TTC39B: variants seen among roughly 807,000 people sequenced by gnomAD.
The protein encoded by TTC39B is tetratricopeptide repeat domain 39B, also known as tetratricopeptide repeat protein 39B.
A neutral mutation model predicts 96.6 loss-of-function variants in TTC39B; 92 were observed. The observed-to-expected ratio is 0.95, with a 90% CI of 0.80 to 1.13. The LOEUF (loss-of-function observed/expected upper bound fraction) is 1.13, where lower values mean the gene tolerates loss of function less well. Ranked by LOEUF, TTC39B falls within the 50% of genes most tolerant of loss-of-function variation. The probability of loss-of-function intolerance (pLI) is 0.00; values close to 1 mark genes in which losing one functional copy is unlikely to be tolerated. For synonymous variants in TTC39B, 367 were observed against 299.4 expected, an observed-to-expected ratio of 1.23 and a Z score of -2.33; for missense variants, 955 against 809.3, an observed-to-expected ratio of 1.18 and a Z score of -2.18.
At chr9:15,222,037 A>G (rs1282585103) in intron 3 of TTC39B, among the ~76,000 whole-genome samples, 1 of 152,252 alleles carries the variant, frequency 6.6e-6, no homozygotes, top group Non-Finnish European at 1.5e-5. Context: ...AGCAAGAAAG[A>G]GTAACGTAAG....
At chr9:15,285,607 C>T (rs1587008930) in intron 1 of TTC39B, among the ~76,000 whole-genome samples, 1 of 152,300 alleles carries the variant, frequency 6.6e-6, no homozygotes, top group East Asian at 1.9e-4. Flanking sequence ...GTAATCCCTG[C>T]ACTTCGGGAG....
At chr9:15,269,551 A>G (rs572838165) in intron 1 of TTC39B, among the ~76,000 whole-genome samples, 18 of 152,288 alleles carry the variant, frequency 1.2e-4, no homozygotes, top group Non-Finnish European at 2.4e-4. Context: ...ACAAAAGTGT[A>G]AATACTAAAA....
At chr9:15,275,243 G>A (rs1446287116) in intron 1 of TTC39B, among the ~76,000 whole-genome samples, 1 of 152,116 alleles carries the variant, frequency 6.6e-6, no homozygotes, top group Non-Finnish European at 1.5e-5. Flanking sequence ...GTTTCTCCAG[G>A]TTGGTAAGGC....
intron 1 of TTC39B, among the ~76,000 whole-genome samples, chr9:15,281,625 CAAAA>C (rs1161175672): frequency 4.1e-5 from 2 of 49,006 alleles, no homozygotes; most frequent in Admixed American, 2.5e-4. Context: ...CCTGCAACAG[CAAAA>C]AAAAAAAAAA....
chr9:15,199,495 G>A (rs1306156416), intron 8 of TTC39B, among the ~76,000 whole-genome samples: 1 of 151,894 alleles, frequency 6.6e-6, no homozygotes, highest in Non-Finnish European at 1.5e-5. Context: ...CAGCACTTTG[G>A]GAGGCTGAGG....
At chr9:15,248,555 CA>C (rs776450306) in intron 2 of TTC39B, among the ~76,000 whole-genome samples, 12 of 152,166 alleles carry the variant, frequency 7.9e-5, no homozygotes, top group Non-Finnish European at 1.6e-4. Flanking sequence ...TGTTCAGCAT[CA>C]TATCCCCAGA....
intron 1 of TTC39B, among the ~76,000 whole-genome samples, chr9:15,272,890 C>A (rs913646918): frequency 2.0e-5 from 3 of 152,148 alleles, no homozygotes; most frequent in African/African-American, 7.2e-5. Flanking sequence ...CCTAGGTGAG[C>A]TGACAGATAT....
chr9:15,246,210 G>C (rs1276224106), intron 2 of TTC39B, among the ~76,000 whole-genome samples: 2 of 152,122 alleles, frequency 1.3e-5, no homozygotes, highest in African/African-American at 4.8e-5. Context: ...CCGAGATCAC[G>C]CCATTGCACT....
chr9:15,220,042 T>G (rs1820758734), intron 3 of TTC39B, among the ~76,000 whole-genome samples: 1 of 152,218 alleles, frequency 6.6e-6, no homozygotes, highest in African/African-American at 2.4e-5. Context: ...TATTTCAACT[T>G]AGGCCAAAAA....
intron 2 of TTC39B, among the ~76,000 whole-genome samples, chr9:15,256,360 A>C (rs1425598563): frequency 1.3e-5 from 2 of 152,182 alleles, no homozygotes; most frequent in Non-Finnish European, 2.9e-5. Flanking sequence ...ATTGTTTATA[A>C]ATTACCCAGT....
intron 2 of TTC39B, among the ~76,000 whole-genome samples, chr9:15,260,193 C>T (rs916913550): frequency 2.0e-5 from 3 of 151,610 alleles, no homozygotes; most frequent in African/African-American, 7.3e-5. Context: ...TTGAAATATA[C>T]ACATTTCCTT....
At chr9:15,304,558 T>A (rs182130888) in intron 1 of TTC39B, among the ~76,000 whole-genome samples, 2 of 152,314 alleles carry the variant, frequency 1.3e-5, no homozygotes, top group East Asian at 3.9e-4. Flanking sequence ...TGGGAGCTTC[T>A]CTACCATTAT....
intron 18 of TTC39B, 92 bp from the exon 19 acceptor site, chr9:15,175,227 T>C: frequency 2.3e-6 from 2 of 862,256 alleles, no homozygotes; most frequent in Non-Finnish European, 3.7e-6. Context: ...TCAGAAAACA[T>C]GTGCAGCACT....
chr9:15,220,411 G>A (rs1820780244), intron 3 of TTC39B, among the ~76,000 whole-genome samples: 3 of 152,174 alleles, frequency 2.0e-5, no homozygotes. Flanking sequence ...TGTGTTAGAT[G>A]GCGAGACTTC....
intron 2 of TTC39B, 52 bp downstream of exon 2, chr9:15,267,862 G>C (rs1158407759): frequency 3.4e-6 from 5 of 1,488,950 alleles, no homozygotes; most frequent in African/African-American, 2.8e-5. Context: ...TTTTATGTAA[G>C]ACAACCATCA....
chr9:15,270,594 C>G (rs1823308219), intron 1 of TTC39B, among the ~76,000 whole-genome samples: 2 of 151,002 alleles, frequency 1.3e-5, no homozygotes, highest in African/African-American at 4.9e-5. Flanking sequence ...AAGAAGTATT[C>G]CCACCCCTCC....
chr9:15,208,284 A>C (rs1243873347), intron 6 of TTC39B, among the ~76,000 whole-genome samples: 1 of 151,854 alleles, frequency 6.6e-6, no homozygotes, highest in African/African-American at 2.4e-5. Flanking sequence ...CGGCCTCCCA[A>C]AGTGCTGGGA....
intron 8 of TTC39B, among the ~76,000 whole-genome samples, chr9:15,193,547 A>G (rs1164245557): frequency 6.6e-6 from 1 of 152,206 alleles, no homozygotes; most frequent in Non-Finnish European, 1.5e-5. Context: ...TCCAGTTTAC[A>G]AAAAATGTAA....
At chr9:15,276,728 C>G (rs1823557941) in intron 1 of TTC39B, among the ~76,000 whole-genome samples, 1 of 152,216 alleles carries the variant, frequency 6.6e-6, no homozygotes, top group Non-Finnish European at 1.5e-5. Flanking sequence ...TGAATCCTGG[C>G]TCCACCTCTG....
Sources: allele counts gnomAD v4.1 joint callset (sites outside exome capture counted in the v4.1 genomes callset), GRCh38; gene constraint gnomAD v4.1.1; transcripts MANE v1.5; gene names NCBI Gene and HGNC (gene_info 2026-07-23, HGNC 2026-07-21).